Variants in OR4D10 observed in about 807,000 individuals in gnomAD.
OR4D10 encodes the protein olfactory receptor family 4 subfamily D member 10, also known as olfactory receptor 4D10.
For missense variants in OR4D10, 395 were observed against 378.0 expected (o/e 1.04, Z -0.37); for synonymous variants, 188 against 153.2 (o/e 1.23, Z -1.68).
rs143677545 is a variant in OR4D10 at position 59,474,322 on chromosome 11, CT to C, written c.-169+534del. 2.7e-3 allele frequency among the ~76,000 whole-genome samples: 412 copies of C among 152,326 alleles called. 13 individuals carry two copies. In the East Asian group the frequency reaches 0.069, roughly 26 times the overall value. On this transcript the variant is annotated intron_variant, in intron 2 of 2. Coordinates refer to ENST00000530162, the MANE Select transcript of OR4D10 (RefSeq NM_001004705.2). ...AAATCTTCTCTTACAACACGTCTCA[CT>C]TTTTATCGTGTATCATCTTCACTTA...
At position 59,477,809 on chromosome 11, in the gene OR4D10, C is replaced by G; in HGVS notation, c.380C>G (p.Ser127Cys). The change falls in exon 3 of 3, where the codon TCC becomes TGC. Residue 127 changes from serine (S) to cysteine (C), a missense_variant. By Grantham distance (112) the Ser-to-Cys change is moderately radical (BLOSUM62 -1). Transcript: ENST00000530162. The stretch of plus-strand genomic sequence containing the variant: ...GCATTGGATCGATATGTGGCCATCT[C>G]CAAGCCCCTGCACTATGCGACTATC... ...VMALDRYVAI[S>C]KPLHYATIMS... 6.2e-7 allele frequency: 1 copy of G among 1,614,080 alleles called. No individual in the cohort carries two copies. Among genetic ancestry groups the G allele is most frequent in the East Asian group, 2.2e-5 (1 of 44,874 alleles).
In OR4D10 at chr11:59,473,777, T is replaced by C. The variant is rs1858869328; in HGVS notation, c.-185T>C. On this transcript the variant is annotated 5_prime_UTR_variant, in exon 2 of 3. It removes an upstream start codon present in the reference 5' UTR. Coordinates refer to ENST00000530162, the MANE Select transcript of OR4D10 (RefSeq NM_001004705.2). ...TTCAGAGTTAAAATAATCATCTCAA[T>C]GACAGAAACAACAAAGGTGGGTGTT... 6.6e-6 allele frequency: 1 copy of C among 152,212 alleles called. No homozygotes were observed. Among genetic ancestry groups the C allele is most frequent in the Admixed American group, 6.5e-5 (1 of 15,286 alleles). 9.4% of individuals were successfully genotyped at this position (152,212 alleles called of 1,614,324 possible). A position where few individuals can be genotyped will look rare whatever the true frequency, so the allele number is the denominator to read the frequency against.
intron 2 of OR4D10, among the ~76,000 whole-genome samples, chr11:59,476,668 A>G (rs1858911600): frequency 6.6e-6 from 1 of 151,994 alleles, no homozygotes; most frequent in South Asian, 2.1e-4. Context: ...TCCAACTGTT[A>G]TTACCCACAC....
At position 59,478,071 on chromosome 11, in the gene OR4D10, C is replaced by A; in HGVS notation, c.642C>A (p.Leu214=). The A allele has an allele frequency of 6.2e-7, 1 of 1,614,162 alleles. No individual in the cohort carries two copies. The highest frequency in any genetic ancestry group is 1.1e-5 in the South Asian group (1 of 91,084). ...GLLTTLWFFL[L]LVSYIVILSL... is the part of the protein sequence containing the mutation. Reference sequence around the variant, plus strand: ...TCACCACACTGTGGTTTTTCCTGCTCCTGGTGTCCTACATAGTCATATTAT... The same window carrying A: ...TCACCACACTGTGGTTTTTCCTGCTACTGGTGTCCTACATAGTCATATTAT... The change falls in exon 3 of 3, where the codon CTC becomes CTA. Residue 214 remains leucine (L), a synonymous_variant. Coordinates refer to ENST00000530162, the MANE Select transcript of OR4D10 (RefSeq NM_001004705.2).
chr11:59,474,462 C>T (rs918644892), intron 2 of OR4D10, among the ~76,000 whole-genome samples: 2 of 152,050 alleles, frequency 1.3e-5, no homozygotes, highest in African/African-American at 4.8e-5. Context: ...TATAAGGTGG[C>T]GTGAATAATA....
In OR4D10 at chr11:59,478,332, G is replaced by A; in HGVS notation, c.903G>A (p.Leu301=). ...AGATGAAGTCAGCCATGAGGAGACT[G>A]AAGAGAAGACTTGTGCCTTCTGATA... ...NHEMKSAMRR[L]KRRLVPSDRK The change falls in exon 3 of 3, where the codon CTG becomes CTA. Residue 301 remains leucine (L), a synonymous_variant. Coordinates refer to ENST00000530162, the MANE Select transcript of OR4D10 (RefSeq NM_001004705.2). 1 of 1,609,506 alleles carries A rather than the reference G, an allele frequency of 6.2e-7. No individual in the cohort carries two copies. Among genetic ancestry groups the A allele is most frequent in the Non-Finnish European group, 8.5e-7 (1 of 1,177,762 alleles).
In OR4D10 at chr11:59,476,828, A is replaced by G. The variant is rs1858913271; in HGVS notation, c.-168-434A>G. ...CATCCCCCTGCCTCTCTCAGCAGCGAAATTCTTCCTTTGGGGGAAAAAAAA... is the reference window on the plus strand; with the variant it reads ...CATCCCCCTGCCTCTCTCAGCAGCGGAATTCTTCCTTTGGGGGAAAAAAAA... On this transcript the variant is annotated intron_variant, in intron 2 of 2. Coordinates refer to ENST00000530162, the MANE Select transcript of OR4D10 (RefSeq NM_001004705.2). 2.6e-5 allele frequency among the ~76,000 whole-genome samples: 4 copies of G among 151,882 alleles called. No homozygotes were observed. In the South Asian group the frequency reaches 6.2e-4, roughly 24 times the overall value.
rs1167566362 is a variant in OR4D10, at chr11:59,478,732, A to G, written c.*367A>G. 6.3e-6 allele frequency: 1 copy of G among 159,374 alleles called. No individual in the cohort carries two copies. The highest frequency in any genetic ancestry group is 1.4e-5 in the Non-Finnish European group (1 of 73,024). The allele number at this position is 159,374 out of a possible 1,614,324, so 9.9% of individuals were successfully genotyped here. A position where few individuals can be genotyped will look rare whatever the true frequency, so the allele number is the denominator to read the frequency against. ...AATTATATATATACCTAGCAAATGC[A>G]TATTATATATAGTAAATCTTCTTAT... On this transcript the variant is annotated 3_prime_UTR_variant, in exon 3 of 3. Transcript: ENST00000530162.
chr11:59,476,505 T>C (rs1858910205), intron 2 of OR4D10, among the ~76,000 whole-genome samples: 1 of 152,160 alleles, frequency 6.6e-6, no homozygotes, highest in Non-Finnish European at 1.5e-5. Context: ...TTCAGCTTCC[T>C]AAGTAGCTGG....
Position 59,477,542 on chromosome 11 carries a change from C to G in OR4D10, c.113C>G (p.Thr38Ser). 3 of 1,614,080 alleles carry G rather than the reference C, an allele frequency of 1.9e-6. No homozygotes were observed. The highest frequency in any genetic ancestry group is 2.7e-5 in the African/African-American group (2 of 75,036). ...TTCCTACTCTTGGTGTATGTGACAA[C>G]TTTGCTGGGAAACCTCCTCATCATG... The part of the protein sequence containing the change: ...FLFLLLVYVT[T>S]LLGNLLIMVT... The change falls in exon 3 of 3, where the codon ACT becomes AGT. Residue 38 changes from threonine to serine, a missense_variant. Transcript: ENST00000530162.
At chr11:59,476,085 C>A (rs1858903341) in intron 2 of OR4D10, among the ~76,000 whole-genome samples, 1 of 152,160 alleles carries the variant, frequency 6.6e-6, no homozygotes, top group South Asian at 2.1e-4. Flanking sequence ...AATGAGCCTA[C>A]CTTTCTGAAG....
chr11:59,476,096 A>T (rs770457401), intron 2 of OR4D10, among the ~76,000 whole-genome samples: 22 of 152,142 alleles, frequency 1.4e-4, no homozygotes, highest in Non-Finnish European at 2.4e-4. Context: ...CTTTCTGAAG[A>T]TCGTTTCTTT....
intron 2 of OR4D10, among the ~76,000 whole-genome samples, chr11:59,475,411 T>C (rs1565083271): frequency 6.6e-6 from 1 of 152,142 alleles, no homozygotes; most frequent in Non-Finnish European, 1.5e-5. Context: ...TTCTGTTTCC[T>C]GGAAATTCAT....
chr11:59,474,472 A>C (rs186728832), intron 2 of OR4D10, among the ~76,000 whole-genome samples: 3 of 152,300 alleles, frequency 2.0e-5, no homozygotes, highest in Admixed American at 6.5e-5. Flanking sequence ...CGTGAATAAT[A>C]ATTATAAAAT....
rs1174599962 is a variant in OR4D10 at position 59,478,128 on chromosome 11, G to A, written c.699G>A (p.Arg233=). 1 of 1,613,990 alleles carries A rather than the reference G, an allele frequency of 6.2e-7. No individual in the cohort carries two copies. Among genetic ancestry groups the A allele is most frequent in the Non-Finnish European group, 8.5e-7 (1 of 1,180,024 alleles). ...CCAAGTCTCAGGCAGGAGAGGGCAGGAGGAAAGCCATCTCCACCTGCACCT... is the reference window on the plus strand; with the variant it reads ...CCAAGTCTCAGGCAGGAGAGGGCAGAAGGAAAGCCATCTCCACCTGCACCT... ...SLPKSQAGEG[R]RKAISTCTSH... The change falls in exon 3 of 3, where the codon AGG becomes AGA. Residue 233 remains arginine (R), a synonymous_variant. Transcript: ENST00000530162.
Position 59,477,790 on chromosome 11 carries a change from G to A in OR4D10, c.361G>A (p.Asp121Asn). Residue 121 changes from aspartate to asparagine, a missense_variant, in exon 3 of 3, where the codon GAT becomes AAT. Asp to Asn is a conservative substitution (Grantham distance 23, BLOSUM62 1). Coordinates refer to ENST00000530162, the MANE Select transcript of OR4D10 (RefSeq NM_001004705.2). ...ATTTTCTCTTTCGGTGATGGCATTGGATCGATATGTGGCCATCTCCAAGCC... is the reference window on the plus strand; with the variant it reads ...ATTTTCTCTTTCGGTGATGGCATTGAATCGATATGTGGCCATCTCCAAGCC... ...DVFSLSVMAL[D>N]RYVAISKPLH... 6.2e-7 allele frequency: 1 copy of A among 1,614,024 alleles called. No homozygotes were observed. The highest frequency in any genetic ancestry group is 2.2e-5 in the East Asian group (1 of 44,878).
intron 2 of OR4D10, among the ~76,000 whole-genome samples, chr11:59,475,827 G>A (rs1379234496): frequency 1.3e-5 from 2 of 152,204 alleles, no homozygotes; most frequent in African/African-American, 4.8e-5. Flanking sequence ...CTGCAGAGGT[G>A]TGGAATATTG....
At chr11:59,476,312 G>T (rs1387867317) in intron 2 of OR4D10, among the ~76,000 whole-genome samples, 4 of 152,144 alleles carry the variant, frequency 2.6e-5, no homozygotes, top group African/African-American at 9.7e-5. Context: ...AGGACAGGAG[G>T]TTAGACCTTT....
rs1350361581 is a variant in OR4D10, at chr11:59,477,579, C to G, written c.150C>G (p.Thr50=). ...ACCTCCTCATCATGGTCACTGTTACCTGTGAATCTCGCCTTCACACGCCCA... is the reference window on the plus strand; with the variant it reads ...ACCTCCTCATCATGGTCACTGTTACGTGTGAATCTCGCCTTCACACGCCCA... The part of the protein sequence containing the change: ...LGNLLIMVTV[T]CESRLHTPMY... The change falls in exon 3 of 3, where the codon ACC becomes ACG. Residue 50 remains threonine (T), a synonymous_variant. Transcript: ENST00000530162. 1 of 1,614,164 alleles carries G rather than the reference C, an allele frequency of 6.2e-7. No individual in the cohort carries two copies. Among genetic ancestry groups the G allele is most frequent in the Non-Finnish European group, 8.5e-7 (1 of 1,180,032 alleles).
Sources: allele counts gnomAD v4.1 joint callset (sites outside exome capture counted in the v4.1 genomes callset), GRCh38; gene constraint gnomAD v4.1.1; transcripts MANE v1.5; gene names NCBI Gene and HGNC (gene_info 2026-07-23, HGNC 2026-07-21).